FBXO25: variants seen among roughly 807,000 people sequenced by gnomAD.
FBXO25 encodes F-box protein 25, also known as F-box only protein 25.
A neutral mutation model predicts 51.9 loss-of-function variants in FBXO25; 45 were observed. The observed-to-expected ratio is 0.87, with a 90% CI of 0.68 to 1.11. The LOEUF is 1.11. FBXO25 is among the 50% of genes most tolerant of loss of function. The pLI is 0.00. For missense variants in FBXO25, 507 were observed against 428.5 expected (o/e 1.18, Z -1.62); for synonymous variants, 199 against 151.0 (o/e 1.32, Z -2.33).
chr8:421,017 C>T (rs1797121165), intron 2 of FBXO25, among the ~76,000 whole-genome samples: 1 of 152,210 alleles, frequency 6.6e-6, no homozygotes, highest in South Asian at 2.1e-4. Flanking sequence ...GTCCCCAACC[C>T]CTAGGCCATG....
At chr8:467,750 C>A in intron 9 of FBXO25, 1 of 1,613,962 alleles carries the variant, frequency 6.2e-7, no homozygotes, top group South Asian at 1.1e-5. Flanking sequence ...ATTCAAGGTA[C>A]TTCCCTGTCT....
intron 2 of FBXO25, among the ~76,000 whole-genome samples, chr8:414,402 T>G (rs1796671631): frequency 6.6e-6 from 1 of 152,196 alleles, no homozygotes; most frequent in Non-Finnish European, 1.5e-5. Context: ...TGTCTCACAT[T>G]TACTCCCAGT....
In FBXO25 at chr8:451,423, A is replaced by G. The variant is rs200119344; in HGVS notation, c.630A>G (p.Gln210=). 1.6e-4 allele frequency: 258 copies of G among 1,613,930 alleles called. No homozygotes were observed. The highest frequency in any genetic ancestry group is 2.5e-4 in the South Asian group (23 of 91,052). Reference sequence around the variant, plus strand: ...GATTAGAAACTATTCTCGCCTGGCAACAACAGCTACAGGATCTTCAGATGA... The same window carrying G: ...GATTAGAAACTATTCTCGCCTGGCAGCAACAGCTACAGGATCTTCAGATGA... ...ICRLETILAW[Q]QQLQDLQMTK... Residue 210 remains glutamine (Q), a synonymous_variant, in exon 7 of 10, where the codon CAA becomes CAG. Transcript: ENST00000350302.
Position 458,374 on chromosome 8 carries a change from G to T in FBXO25, c.666G>T (p.Val222=). The change falls in exon 8 of 10, where the codon GTG becomes GTT. Residue 222 remains valine (V), a synonymous_variant. Transcript: ENST00000350302. ...QLQDLQMTKQ[V]NNGLTLSDLP... ...CTGTTGTGTTTTCCTTTCAGCAAGT[G>T]AACAATGGCCTCACCCTCAGTGACC... The T allele has an allele frequency of 6.2e-7, 1 of 1,612,794 alleles. No homozygotes were observed. Among genetic ancestry groups the T allele is most frequent in the South Asian group, 1.1e-5 (1 of 90,736 alleles).
At position 477,729 on chromosome 8, in the gene FBXO25, CA is replaced by C. The variant is rs1486043119; in HGVS notation, c.*8926del. The C allele has an allele frequency of 1.3e-5, 2 of 152,342 alleles. No individual in the cohort carries two copies. The highest frequency in any genetic ancestry group is 2.9e-5 in the Non-Finnish European group (2 of 68,052). The allele number at this position is 152,342 out of a possible 1,614,324, so 9.4% of individuals were successfully genotyped here. A position where few individuals can be genotyped will look rare whatever the true frequency, so the allele number is the denominator to read the frequency against. On this transcript the variant is annotated 3_prime_UTR_variant, in exon 10 of 10. Coordinates refer to ENST00000350302, the MANE Select transcript of FBXO25 (RefSeq NM_183420.2). Reference sequence around the variant, plus strand: ...GCCACCAGGGGGCCACGCACCAGTGCATGTGGCTGTGTTCCAAACTTTTTGG... The same window carrying C: ...GCCACCAGGGGGCCACGCACCAGTGCTGTGGCTGTGTTCCAAACTTTTTGG...
intron 8 of FBXO25, among the ~76,000 whole-genome samples, chr8:460,248 A>G (rs1284737067): frequency 6.6e-6 from 1 of 152,128 alleles, no homozygotes; most frequent in Non-Finnish European, 1.5e-5. Context: ...TCTTTTGGCC[A>G]TTTCTGTGGT....
chr8:432,623 G>T (rs1355464091), intron 3 of FBXO25, among the ~76,000 whole-genome samples: 1 of 152,120 alleles, frequency 6.6e-6, no homozygotes, highest in Non-Finnish European at 1.5e-5. Flanking sequence ...AATCATTTAT[G>T]TCTTCATATG....
intron 7 of FBXO25, among the ~76,000 whole-genome samples, chr8:454,291 G>A (rs1188572749): frequency 6.6e-6 from 1 of 152,220 alleles, no homozygotes; most frequent in African/African-American, 2.4e-5. Context: ...AGATATGGCA[G>A]TGCTAATGAA....
At chr8:421,780 G>C (rs1382490146) in intron 2 of FBXO25, among the ~76,000 whole-genome samples, 1 of 152,098 alleles carries the variant, frequency 6.6e-6, no homozygotes. Context: ...TCCAGGGCTG[G>C]GATAGAGCAA....
chr8:475,220 G>C lies in FBXO25; in HGVS notation c.*6416G>C, dbSNP rs978603636. The stretch of plus-strand genomic sequence containing the variant: ...AAGACTGTCCTTTCTCCCTTGAATG[G>C]TCTTGGCACCATCAAAAATCATTTG... On this transcript the variant is annotated 3_prime_UTR_variant, in exon 10 of 10. Transcript: ENST00000350302. 7.0e-6 allele frequency: 2 copies of C among 286,942 alleles called. No individual in the cohort carries two copies. Among genetic ancestry groups the C allele is most frequent in the Non-Finnish European group, 1.3e-5 (2 of 150,222 alleles). The allele number at this position is 286,942 out of a possible 1,614,324, so 17.8% of individuals were successfully genotyped here.
At chr8:462,378 A>G (rs867365765) in intron 8 of FBXO25, among the ~76,000 whole-genome samples, 3 of 152,160 alleles carry the variant, frequency 2.0e-5, no homozygotes, top group Non-Finnish European at 1.5e-5. Flanking sequence ...TATTCTAGAT[A>G]TAAGTCTGTT....
chr8:459,015 G>A (rs1018225910), intron 8 of FBXO25, among the ~76,000 whole-genome samples: 4 of 152,184 alleles, frequency 2.6e-5, no homozygotes, highest in Admixed American at 6.5e-5. Flanking sequence ...GCACTTGGGA[G>A]TGCACGTGGG....
chr8:466,765 T>C (rs922159803), intron 9 of FBXO25, among the ~76,000 whole-genome samples: 2 of 152,152 alleles, frequency 1.3e-5, no homozygotes, highest in African/African-American at 2.4e-5. Flanking sequence ...TTTTTTAACT[T>C]TTCTACCTGC....
At chr8:426,442 C>T (rs1797485197) in intron 2 of FBXO25, among the ~76,000 whole-genome samples, 1 of 152,004 alleles carries the variant, frequency 6.6e-6, no homozygotes, top group African/African-American at 2.4e-5. Context: ...ATTTTACAGA[C>T]ATGCATTCTT....
intron 9 of FBXO25, among the ~76,000 whole-genome samples, chr8:463,808 T>C (rs1799969866): frequency 6.6e-6 from 1 of 152,144 alleles, no homozygotes; most frequent in Admixed American, 6.5e-5. Flanking sequence ...ACTGCTTATT[T>C]CTTTGTTGTC....
At chr8:426,137 A>G (rs1310032315) in intron 2 of FBXO25, among the ~76,000 whole-genome samples, 1 of 152,148 alleles carries the variant, frequency 6.6e-6, no homozygotes, top group African/African-American at 2.4e-5. Flanking sequence ...AGCTCCACAG[A>G]TAAATAAAGA....
At chr8:457,477 T>C (rs187536188) in intron 7 of FBXO25, among the ~76,000 whole-genome samples, 32 of 152,296 alleles carry the variant, frequency 2.1e-4, no homozygotes, top group African/African-American at 7.7e-4. Context: ...GCATTTACTC[T>C]CTGGCGTGTG....
Position 474,412 on chromosome 8 carries a change from T to C in FBXO25, c.*5608T>C, listed in dbSNP as rs958492696. ...GCTGCCGTAAACATGGGTGTGCAAA[T>C]ATCTGAGTCTCTGCTTTCAATCATA... is the stretch of plus-strand genomic sequence containing the variant. On this transcript the variant is annotated 3_prime_UTR_variant, in exon 10 of 10. Coordinates refer to ENST00000350302, the MANE Select transcript of FBXO25 (RefSeq NM_183420.2). The C allele has an allele frequency of 6.7e-5, 19 of 282,342 alleles. No individual in the cohort carries two copies. Among genetic ancestry groups the C allele is most frequent in the Non-Finnish European group, 1.2e-4 (17 of 147,184 alleles). 17.5% of individuals were successfully genotyped at this position (282,342 alleles called of 1,614,324 possible).
At chr8:459,956 C>T (rs1342826933) in intron 8 of FBXO25, among the ~76,000 whole-genome samples, 1 of 151,782 alleles carries the variant, frequency 6.6e-6, no homozygotes, top group Admixed American at 6.6e-5. Context: ...TGGACTTGTT[C>T]GGGAGAAGCA....
Sources: allele counts gnomAD v4.1 joint callset (sites outside exome capture counted in the v4.1 genomes callset), GRCh38; gene constraint gnomAD v4.1.1; transcripts MANE v1.5; gene names NCBI Gene and HGNC (gene_info 2026-07-23, HGNC 2026-07-21).